The following PRKAR1B variants were observed in gnomAD, a reference collection of about 807,000 sequenced individuals.
The protein encoded by PRKAR1B is protein kinase cAMP-dependent type I regulatory subunit beta.
PRKAR1B carries 22 observed loss-of-function variants against 46.5 expected under a neutral mutation model. The observed-to-expected ratio is 0.47, with a 90% confidence interval of 0.34 to 0.68. PRKAR1B has a LOEUF of 0.68. Ranked by LOEUF, PRKAR1B falls within the 30% of genes least tolerant of loss-of-function variation. The pLI is 0.01. For synonymous variants in PRKAR1B, 259 were observed against 217.7 expected, an observed-to-expected ratio of 1.19 and a Z score of -1.67; for missense variants, 445 against 535.6, an observed-to-expected ratio of 0.83 and a Z score of 1.67.
intron 4 of PRKAR1B, among the ~76,000 whole-genome samples, chr7:657,718 C>T (rs920067621): frequency 5.9e-5 from 9 of 152,200 alleles, no homozygotes; most frequent in African/African-American, 1.7e-4. Context: ...TTGTGGGACT[C>T]TTAGCAACTG....
chr7:582,759 G>A (rs1328079890), intron 8 of PRKAR1B, among the ~76,000 whole-genome samples: 1 of 152,224 alleles, frequency 6.6e-6, no homozygotes, highest in African/African-American at 2.4e-5. Flanking sequence ...GGCTGACTAT[G>A]CAGTGCCTGG....
chr7:594,728 C>A (rs1781171415), intron 7 of PRKAR1B, among the ~76,000 whole-genome samples: 2 of 151,900 alleles, frequency 1.3e-5, no homozygotes, highest in Admixed American at 6.5e-5. Flanking sequence ...AAGGGAAATC[C>A]CAAACCATAA....
At chr7:640,779 C>G (rs1427228620) in intron 4 of PRKAR1B, among the ~76,000 whole-genome samples, 3 of 107,650 alleles carry the variant, frequency 2.8e-5, no homozygotes, top group African/African-American at 3.9e-5. Flanking sequence ...CACACACACA[C>G]ACACACACAC....
chr7:653,204 C>T (rs926016845), intron 4 of PRKAR1B, among the ~76,000 whole-genome samples: 1 of 152,202 alleles, frequency 6.6e-6, no homozygotes, highest in African/African-American at 2.4e-5. Context: ...AAGTGGGGAG[C>T]CAGGCCAGTG....
chr7:632,481 G>A (rs1055939987), intron 4 of PRKAR1B, among the ~76,000 whole-genome samples: 10 of 152,192 alleles, frequency 6.6e-5, no homozygotes, highest in South Asian at 2.1e-4. Flanking sequence ...CGGCCACTGC[G>A]TCTGAAGACC....
intron 2 of PRKAR1B, chr7:691,757 C>A: frequency 8.3e-7 from 1 of 1,211,828 alleles, no homozygotes; most frequent in Non-Finnish European, 1.1e-6. Flanking sequence ...AGGGGATGGA[C>A]CACAGGGCTC....
At chr7:568,389 G>T (rs1779299124) in intron 9 of PRKAR1B, among the ~76,000 whole-genome samples, 1 of 152,236 alleles carries the variant, frequency 6.6e-6, no homozygotes, top group Non-Finnish European at 1.5e-5. Context: ...GTGGGACTGA[G>T]AACCTGGCTG....
At chr7:639,064 C>T (rs28609040) in intron 4 of PRKAR1B, among the ~76,000 whole-genome samples, 15,931 of 151,766 alleles carry the variant, frequency 0.1, 937 homozygotes, top group South Asian at 0.25. Flanking sequence ...GGTGACAGAG[C>T]GAGACTCTGT....
At chr7:632,920 TGTCCGGGAAGCAGACA>T (rs1783841950) in intron 4 of PRKAR1B, among the ~76,000 whole-genome samples, 1 of 152,212 alleles carries the variant, frequency 6.6e-6, no homozygotes, top group Non-Finnish European at 1.5e-5. Context: ...ACACAGTGCC[TGTCCGGGAAGCAGACA>T]CCAGGTCCCG....
chr7:716,347 C>A lies in PRKAR1B; in HGVS notation c.-22-4820G>T, dbSNP rs1583458109. On this transcript the variant is annotated intron_variant, in intron 1 of 10. Transcript: ENST00000537384. Reference sequence around the variant, plus strand: ...CTGGGACTACAGGTATGAGCCACCGCACCCGGTCCGAAGCCACATTCTTTT... The same window carrying A: ...CTGGGACTACAGGTATGAGCCACCGAACCCGGTCCGAAGCCACATTCTTTT... 4.0e-5 allele frequency among the ~76,000 whole-genome samples: 6 copies of A among 150,850 alleles called. No homozygotes were observed. The South Asian group carries it at 1.3e-3, about 32-fold the overall frequency.
intron 9 of PRKAR1B, among the ~76,000 whole-genome samples, chr7:577,082 C>T (rs1032643802): frequency 6.6e-6 from 1 of 151,934 alleles, no homozygotes; most frequent in Non-Finnish European, 1.5e-5. Flanking sequence ...CCATCAGCGG[C>T]CTCATCCAAC....
intron 4 of PRKAR1B, among the ~76,000 whole-genome samples, chr7:645,693 C>A (rs555049532): frequency 6.6e-6 from 1 of 152,256 alleles, no homozygotes; most frequent in South Asian, 2.1e-4. Context: ...GTTCCAAGCC[C>A]TCCAGCCTCC....
At chr7:695,357 C>T (rs896457094) in intron 2 of PRKAR1B, among the ~76,000 whole-genome samples, 3 of 152,132 alleles carry the variant, frequency 2.0e-5, no homozygotes, top group African/African-American at 2.4e-5. Flanking sequence ...GAAGTACAGA[C>T]GTCCAGCCCA....
In PRKAR1B at chr7:667,918, C is replaced by T. The variant is rs35568996; in HGVS notation, c.440+9311G>A. On this transcript the variant is annotated intron_variant, in intron 4 of 10. Transcript: ENST00000537384. This position sits in a 1 kb window ranked among gnomAD's most constrained non-coding sequence, Gnocchi z 4.3. ...GGGGAGTTGCAGCCTCCCTCACAAC[C>T]ACGTTGCACTATCTTCCTTTAAATC... Among the ~76,000 whole-genome samples the T allele has an allele frequency of 0.068, 10,396 of 152,334 alleles. 538 individuals are homozygous for T. The highest frequency in any genetic ancestry group is 0.15 in the Middle Eastern group (43 of 294).
chr7:717,263 T>C (rs77302015), intron 1 of PRKAR1B, among the ~76,000 whole-genome samples: 3,146 of 151,064 alleles, frequency 0.021, 56 homozygotes, highest in East Asian at 0.11. Context: ...CGTTCCAGCC[T>C]GGGCAACAGG....
chr7:673,883 C>T (rs918162613), intron 4 of PRKAR1B, among the ~76,000 whole-genome samples: 16 of 152,210 alleles, frequency 1.1e-4, no homozygotes, highest in Admixed American at 7.2e-4. Context: ...CCAGAGGCCC[C>T]GGGCAGGCCC....
At chr7:594,805 C>T (rs1351756931) in intron 7 of PRKAR1B, among the ~76,000 whole-genome samples, 2 of 152,094 alleles carry the variant, frequency 1.3e-5, no homozygotes, top group Admixed American at 1.3e-4. Context: ...GAGGGGACCC[C>T]AAGACCATGA....
rs1780355296 is a variant in PRKAR1B, at chr7:583,464, C to CGT, written c.769+1042_769+1043dup. 4.7e-5 allele frequency among the ~76,000 whole-genome samples: 7 copies of CGT among 148,590 alleles called. No individual in the cohort carries two copies. The South Asian group carries it at 1.3e-3, about 28-fold the overall frequency. On this transcript the variant is annotated intron_variant, in intron 8 of 10. Coordinates refer to ENST00000537384, the MANE Select transcript of PRKAR1B (RefSeq NM_001164760.2). ...GTGCACACTCACACCCACTCACACA[C>CGT]GTGCACTCACACCCACGCACACACG...
intron 7 of PRKAR1B, among the ~76,000 whole-genome samples, chr7:589,385 A>C (rs1780850430): frequency 6.6e-6 from 1 of 151,948 alleles, no homozygotes; most frequent in African/African-American, 2.4e-5. Flanking sequence ...ACACCCCTGC[A>C]AACAGCTGCT....
Sources: allele counts gnomAD v4.1 joint callset (sites outside exome capture counted in the v4.1 genomes callset), GRCh38; gene constraint gnomAD v4.1.1; non-coding constraint Gnocchi (gnomAD v3.1); transcripts MANE v1.5; gene names NCBI Gene and HGNC (gene_info 2026-07-23, HGNC 2026-07-21).